Variants in MYOT observed in about 807,000 individuals in gnomAD.
MYOT encodes the protein 57 kDa cytoskeletal protein.
In MYOT, 36 loss-of-function variants were observed where a neutral mutation model predicts 58.0. The ratio of observed to expected loss-of-function variants is 0.62; its 90% confidence interval spans 0.48 to 0.82. MYOT has a LOEUF of 0.82. Among genes scored for constraint, MYOT ranks in the 40% least tolerant of loss-of-function variants. MYOT has a pLI of 0.00. For missense variants in MYOT, 505 were observed against 592.1 expected (o/e 0.85, Z 1.53); for synonymous variants, 218 against 204.6 (o/e 1.07, Z -0.56).
At chr5:137,873,607 G>A (rs1407710295) in intron 2 of MYOT, among the ~76,000 whole-genome samples, 2 of 151,720 alleles carry the variant, frequency 1.3e-5, no homozygotes, top group Non-Finnish European at 2.9e-5. Context: ...GATCTATAAG[G>A]CCAAAGAGAT....
At chr5:137,871,979 G>A (rs1561658049) in intron 2 of MYOT, among the ~76,000 whole-genome samples, 1 of 152,074 alleles carries the variant, frequency 6.6e-6, no homozygotes, top group Non-Finnish European at 1.5e-5. Context: ...CTTCTCTAGA[G>A]GCTAATTTTT....
intron 5 of MYOT, 26 bp downstream of exon 5, chr5:137,880,891 T>G (rs777234976): frequency 1.5e-5 from 23 of 1,486,782 alleles, no homozygotes; most frequent in Admixed American, 8.6e-5. Flanking sequence ...TTTAAAGAAA[T>G]GTATGTTTTC....
chr5:137,881,040 T>C (rs1159051986), intron 5 of MYOT, among the ~76,000 whole-genome samples, 175 bp downstream of exon 5: 1 of 152,208 alleles, frequency 6.6e-6, no homozygotes. Context: ...ATCAAAACTA[T>C]CACAGGGGAA....
chr5:137,883,457 A>C lies in MYOT; in HGVS notation c.890A>C (p.Lys297Thr). Residue 297 changes from lysine (K) to threonine (T), a missense_variant, in exon 7 of 10, where the codon AAA becomes ACA. By Grantham distance (78) the Lys-to-Thr change is moderately conservative. Coordinates refer to ENST00000239926, the MANE Select transcript of MYOT (RefSeq NM_006790.3). ...GRTVQSDDLH[K>T]MIVSEKGLHS... ...ACAGTTCAATCAGATGATTTGCACAAAATGATAGTGTCTGAGAAGGGTCTT... is the reference window on the plus strand; with the variant it reads ...ACAGTTCAATCAGATGATTTGCACACAATGATAGTGTCTGAGAAGGGTCTT... 6.2e-7 allele frequency: 1 copy of C among 1,614,150 alleles called. No homozygotes were observed. The highest frequency in any genetic ancestry group is 8.5e-7 in the Non-Finnish European group (1 of 1,180,028).
chr5:137,882,592 G>A (rs1396544068), intron 6 of MYOT, among the ~76,000 whole-genome samples: 7 of 152,066 alleles, frequency 4.6e-5, no homozygotes, highest in East Asian at 3.9e-4. Context: ...AACTACAGAC[G>A]CGTGCCACCA....
chr5:137,877,300 G>A (rs1388925501), intron 3 of MYOT, among the ~76,000 whole-genome samples: 5 of 150,090 alleles, frequency 3.3e-5, no homozygotes, highest in Non-Finnish European at 5.9e-5. Context: ...CCCAGGAGGC[G>A]GAGGTTGCAG....
rs990723283 is a variant in MYOT at position 137,880,825 on chromosome 5, T to C, written c.643T>C (p.Ser215Pro). Reference sequence around the variant, plus strand: ...TTGTTTTAATTTCAAGCAACACAACTCAGAACATGCGCGACTGCAAGTTCC... The same window carrying C: ...TTGTTTTAATTTCAAGCAACACAACCCAGAACATGCGCGACTGCAAGTTCC... The part of the protein sequence containing the change: ...SGAQDSQQHN[S>P]EHARLQVPTS... The change falls in exon 5 of 10, where the codon TCA (serine) becomes CCA (proline). Residue 215 changes from serine to proline, a missense_variant. By Grantham distance (74) the Ser-to-Pro change is moderately conservative. Coordinates refer to ENST00000239926, the MANE Select transcript of MYOT (RefSeq NM_006790.3). 2 of 1,612,800 alleles carry C rather than the reference T, an allele frequency of 1.2e-6. No individual in the cohort carries two copies. Among genetic ancestry groups the C allele is most frequent in the Non-Finnish European group, 1.7e-6 (2 of 1,178,920 alleles).
chr5:137,869,622 T>TAA (rs1336065978), intron 1 of MYOT, among the ~76,000 whole-genome samples: 1 of 151,200 alleles, frequency 6.6e-6, no homozygotes, highest in Non-Finnish European at 1.5e-5. Flanking sequence ...GTAAAAGAGC[T>TAA]AAAGCAATTT....
At chr5:137,868,778 C>T (rs1459677145) in intron 1 of MYOT, among the ~76,000 whole-genome samples, 2 of 146,176 alleles carry the variant, frequency 1.4e-5, no homozygotes, top group African/African-American at 2.8e-5. Context: ...CTGAATAAAC[C>T]GATAACTACA....
At chr5:137,880,452 T>C (rs1207753159) in intron 4 of MYOT, among the ~76,000 whole-genome samples, 3 of 152,216 alleles carry the variant, frequency 2.0e-5, no homozygotes, top group Non-Finnish European at 4.4e-5. Context: ...TGACTTCATG[T>C]CTATTCCTGT....
At chr5:137,876,094 T>A in intron 3 of MYOT, 91 bp downstream of exon 3, 1 of 1,293,712 alleles carries the variant, frequency 7.7e-7, no homozygotes, top group Non-Finnish European at 1.1e-6. Flanking sequence ...TCTAGGTCCA[T>A]ATATCAACAA....
chr5:137,875,023 A>C (rs1226954147), intron 2 of MYOT, among the ~76,000 whole-genome samples: 1 of 152,234 alleles, frequency 6.6e-6, no homozygotes, highest in East Asian at 1.9e-4. Flanking sequence ...TATTTCCACC[A>C]CAACCAATTT....
In MYOT at chr5:137,875,967, G is replaced by C. The variant is rs764224031; in HGVS notation, c.495G>C (p.Leu165=). The C allele has an allele frequency of 1.2e-6, 2 of 1,614,054 alleles. No homozygotes were observed. Among genetic ancestry groups the C allele is most frequent in the East Asian group, 4.5e-5 (2 of 44,842 alleles). ...EALIQDLERK[L]KCKDTLLHNG... is the part of the protein sequence containing the mutation. The stretch of plus-strand genomic sequence containing the variant: ...TGATTCAAGATTTGGAAAGAAAGCT[G>C]AAATGCAAGGACACCCTTCTTCATA... Residue 165 remains leucine, a synonymous_variant, in exon 3 of 10, where the codon CTG becomes CTC. Transcript: ENST00000239926.
intron 7 of MYOT, among the ~76,000 whole-genome samples, chr5:137,884,582 T>C (rs947027167): frequency 2.0e-5 from 3 of 152,170 alleles, no homozygotes; most frequent in African/African-American, 4.8e-5. Context: ...ACAAGTTGAG[T>C]ATCCCTAATC....
intron 4 of MYOT, among the ~76,000 whole-genome samples, chr5:137,880,244 A>G (rs1417938284): frequency 7.2e-5 from 11 of 152,264 alleles, no homozygotes; most frequent in African/African-American, 2.2e-4. Context: ...GTCTGCTTAA[A>G]TACAACTTTA....
chr5:137,873,414 A>C (rs1017521368), intron 2 of MYOT, among the ~76,000 whole-genome samples: 1 of 151,910 alleles, frequency 6.6e-6, no homozygotes, highest in Non-Finnish European at 1.5e-5. Flanking sequence ...GGCACCTATA[A>C]TCCCAGCTAC....
At chr5:137,868,703 C>T (rs1044700609) in intron 1 of MYOT, among the ~76,000 whole-genome samples, 1 of 152,130 alleles carries the variant, frequency 6.6e-6, no homozygotes, top group Non-Finnish European at 1.5e-5. Flanking sequence ...TGAAATGAGT[C>T]TCAATAATGT....
intron 7 of MYOT, among the ~76,000 whole-genome samples, chr5:137,885,072 T>C (rs528063095): frequency 6.6e-6 from 1 of 152,152 alleles, no homozygotes; most frequent in Non-Finnish European, 1.5e-5. Context: ...AATACTACAA[T>C]AGTAGAGCTG....
chr5:137,886,768 A>T, intron 8 of MYOT, 96 bp from the exon 9 acceptor site: 1 of 939,360 alleles, frequency 1.1e-6, no homozygotes, highest in Non-Finnish European at 1.7e-6. Flanking sequence ...TGGAATTTTC[A>T]AATGTTTTTT....
Sources: allele counts gnomAD v4.1 joint callset (sites outside exome capture counted in the v4.1 genomes callset), GRCh38; gene constraint gnomAD v4.1.1; transcripts MANE v1.5; gene names NCBI Gene and HGNC (gene_info 2026-07-23, HGNC 2026-07-21).